ME1: variants seen among roughly 807,000 people sequenced by gnomAD.
ME1 encodes the protein NADP-dependent malic enzyme.
ME1 carries 74 observed loss-of-function variants against 66.4 expected under a neutral mutation model. The observed-to-expected ratio is 1.11, with a 90% CI of 0.92 to 1.35. The LOEUF (loss-of-function observed/expected upper bound fraction) is 1.35. Among genes scored for constraint, ME1 ranks in the 40% most tolerant of loss-of-function variants. The pLI is 0.00. For missense variants in ME1, 750 were observed against 694.1 expected, an observed-to-expected ratio of 1.08 and a Z score of -0.90; for synonymous variants, 251 against 235.6, an observed-to-expected ratio of 1.07 and a Z score of -0.60.
intron 6 of ME1, among the ~76,000 whole-genome samples, chr6:83,301,330 CT>C (rs1767715819): frequency 1.4e-5 from 2 of 139,868 alleles, no homozygotes; most frequent in Admixed American, 7.4e-5. Flanking sequence ...CTCTCTCTCT[CT>C]CTCTCTCTTT....
intron 6 of ME1, among the ~76,000 whole-genome samples, chr6:83,306,617 T>C (rs1429556969): frequency 1.3e-5 from 2 of 152,114 alleles, no homozygotes; most frequent in South Asian, 4.1e-4. Context: ...GACTCTTTAT[T>C]TGGAAAACTG....
At position 83,320,329 on chromosome 6, in the gene ME1, T is replaced by A. The variant is rs527239105; in HGVS notation, c.601-4916A>T. On this transcript the variant is annotated intron_variant, in intron 5 of 13. Transcript: ENST00000369705. The stretch of plus-strand genomic sequence containing the variant: ...AAATTATAGCCCAGTTCTTCACACT[T>A]GTTGTCCTGTTGTAATTAGTAATGG... Among the ~76,000 whole-genome samples the A allele has an allele frequency of 2.0e-5, 3 of 152,354 alleles. No individual in the cohort carries two copies. In the East Asian group the frequency reaches 5.8e-4, roughly 29 times the overall value.
intron 6 of ME1, among the ~76,000 whole-genome samples, chr6:83,298,520 G>T (rs901437088): frequency 2.6e-5 from 4 of 152,058 alleles, no homozygotes; most frequent in African/African-American, 9.7e-5. Flanking sequence ...TAGGCTGTCT[G>T]TTTACTCTGA....
At chr6:83,425,129 C>T (rs1014299635) in intron 1 of ME1, among the ~76,000 whole-genome samples, 2 of 152,146 alleles carry the variant, frequency 1.3e-5, no homozygotes, top group African/African-American at 4.8e-5. Flanking sequence ...GCTGAGACTA[C>T]AGGTGCACAC....
At chr6:83,388,586 C>T (rs1049822536) in intron 3 of ME1, among the ~76,000 whole-genome samples, 3 of 152,158 alleles carry the variant, frequency 2.0e-5, no homozygotes, top group African/African-American at 7.2e-5. Flanking sequence ...ATTCAAAAGA[C>T]TCACAAAATA....
At chr6:83,328,057 G>A (rs1009774900) in intron 5 of ME1, among the ~76,000 whole-genome samples, 3 of 152,134 alleles carry the variant, frequency 2.0e-5, no homozygotes, top group Non-Finnish European at 4.4e-5. Flanking sequence ...CAAAGACTTG[G>A]AACCAATCCA....
intron 1 of ME1, among the ~76,000 whole-genome samples, chr6:83,410,796 G>C (rs958590667): frequency 1.3e-5 from 2 of 152,050 alleles, no homozygotes; most frequent in Admixed American, 6.6e-5. Context: ...AACATTTATT[G>C]TTATAGTTAG....
chr6:83,394,610 T>C (rs945416244), intron 3 of ME1, among the ~76,000 whole-genome samples: 4 of 152,196 alleles, frequency 2.6e-5, no homozygotes, highest in Admixed American at 2.6e-4. Context: ...GAAATCCACA[T>C]TCAATATTGC....
At chr6:83,261,419 A>ATTTT (rs1562462611) in intron 6 of ME1, among the ~76,000 whole-genome samples, 59 of 32,364 alleles carry the variant, frequency 1.8e-3, no homozygotes, top group African/African-American at 8.1e-3. Context: ...CTCTGTTGGT[A>ATTTT]ATTTTTTTTT....
chr6:83,403,809 G>A (rs146139318), intron 2 of ME1, among the ~76,000 whole-genome samples: 2 of 152,216 alleles, frequency 1.3e-5, no homozygotes, highest in African/African-American at 4.8e-5. Flanking sequence ...GCTTATCGAT[G>A]TCCCTGCAAA....
chr6:83,265,225 A>C (rs1392349461), intron 6 of ME1, among the ~76,000 whole-genome samples: 5 of 152,192 alleles, frequency 3.3e-5, no homozygotes, highest in Admixed American at 1.3e-4. Flanking sequence ...AGGTAGACAA[A>C]TTTTTTAAAC....
intron 6 of ME1, among the ~76,000 whole-genome samples, chr6:83,280,645 T>C (rs539650267): frequency 6.6e-6 from 1 of 152,334 alleles, no homozygotes; most frequent in Middle Eastern, 3.4e-3. Context: ...TTGCTGCCCA[T>C]GTTTTGGCAA....
intron 6 of ME1, among the ~76,000 whole-genome samples, chr6:83,288,967 T>C (rs568565860): frequency 1.3e-5 from 2 of 152,286 alleles, no homozygotes; most frequent in Admixed American, 6.5e-5. Flanking sequence ...TATTGGTGTA[T>C]AGGAATGCTC....
chr6:83,257,699 A>G lies in ME1; in HGVS notation c.705-3961T>C, dbSNP rs186073609. Among the ~76,000 whole-genome samples, 538 of 152,344 alleles carry G rather than the reference A, an allele frequency of 3.5e-3. 1 individual carries two copies. The highest frequency in any genetic ancestry group is 0.013 in the African/African-American group (523 of 41,580). On this transcript the variant is annotated intron_variant, in intron 6 of 13. Coordinates refer to ENST00000369705, the MANE Select transcript of ME1 (RefSeq NM_002395.6). ...AAAATCATTTCTATGGTTACAAATT[A>G]TTACATTTTTATAACCTAGCAGAGA...
intron 6 of ME1, 134 bp from the exon 7 acceptor site, chr6:83,253,872 T>C: frequency 1.9e-6 from 1 of 535,392 alleles, no homozygotes; most frequent in Non-Finnish European, 3.3e-6. Context: ...TAAGTATAAA[T>C]ATGTAATATA....
intron 6 of ME1, among the ~76,000 whole-genome samples, chr6:83,285,527 G>T (rs914719301): frequency 2.6e-5 from 4 of 152,166 alleles, no homozygotes; most frequent in Admixed American, 2.6e-4. Context: ...TGTAGAGAAG[G>T]AAGAAGGAGA....
chr6:83,340,171 T>C (rs1415026412), intron 5 of ME1, among the ~76,000 whole-genome samples: 1 of 152,104 alleles, frequency 6.6e-6, no homozygotes, highest in Non-Finnish European at 1.5e-5. Flanking sequence ...TATTTTTTAG[T>C]TGGTTTTCTT....
intron 3 of ME1, among the ~76,000 whole-genome samples, chr6:83,394,113 A>G (rs894519019): frequency 6.6e-6 from 1 of 151,966 alleles, no homozygotes; most frequent in African/African-American, 2.4e-5. Flanking sequence ...ATATACCCAG[A>G]AAACAATTAC....
At position 83,346,320 on chromosome 6, in the gene ME1, A is replaced by G. The variant is rs1156294102; in HGVS notation, c.453T>C (p.Thr151=). 41 of 1,606,280 alleles carry G rather than the reference A, an allele frequency of 2.6e-5. No homozygotes were observed. Among genetic ancestry groups the G allele is most frequent in the Non-Finnish European group, 3.5e-5 (41 of 1,176,188 alleles). Residue 151 remains threonine, a synonymous_variant, in exon 5 of 14, where the codon ACT becomes ACC. Coordinates refer to ENST00000369705, the MANE Select transcript of ME1 (RefSeq NM_002395.6). ...PEDVIKAIVV[T]DGERILGLGD... ...CCAAGCCAAGAATACGCTCTCCATC[A>G]GTCACCACAATGGCCTGGAAGAAAA...
Sources: gnomAD v4.1 joint callset for allele counts (sites outside exome capture counted in the v4.1 genomes callset) on GRCh38, gnomAD v4.1.1 for gene constraint, MANE v1.5 for transcripts, NCBI Gene and HGNC (gene_info 2026-07-23, HGNC 2026-07-21) for gene names.